The following GPR83 variants were observed in gnomAD, a reference collection of about 807,000 sequenced individuals.
The protein encoded by GPR83 is G protein-coupled receptor 83, also known as G-protein coupled receptor 72.
A neutral mutation model predicts 28.0 loss-of-function variants in GPR83; 23 were observed. The ratio of observed to expected loss-of-function variants is 0.82; its 90% CI spans 0.59 to 1.16. The LOEUF is 1.16. Among genes scored for constraint, GPR83 ranks in the 50% most tolerant of loss-of-function variants. The probability of loss-of-function intolerance (pLI) is 0.00; values close to 1 mark genes in which losing one functional copy is unlikely to be tolerated. For synonymous variants in GPR83, 234 were observed against 215.4 expected, an observed-to-expected ratio of 1.09 and a Z score of -0.76; for missense variants, 610 against 536.6, an observed-to-expected ratio of 1.14 and a Z score of -1.35.
intron 3 of GPR83, among the ~76,000 whole-genome samples, chr11:94,389,224 G>T (rs1353497723): frequency 6.6e-6 from 1 of 152,274 alleles, no homozygotes; most frequent in African/African-American, 2.4e-5. Flanking sequence ...AAAAACCCTA[G>T]AAGAAAACCT....
At chr11:94,387,067 C>G (rs1479804118) in intron 3 of GPR83, among the ~76,000 whole-genome samples, 1 of 152,184 alleles carries the variant, frequency 6.6e-6, no homozygotes, top group Admixed American at 6.6e-5. Context: ...CAACCTGCTC[C>G]TGAATGACTA....
intron 3 of GPR83, among the ~76,000 whole-genome samples, chr11:94,381,579 G>GTGTGTGCA (rs1554991066): frequency 1.9e-5 from 2 of 104,026 alleles, no homozygotes; most frequent in East Asian, 3.4e-4. Flanking sequence ...GTGTGTGTGT[G>GTGTGTGCA]CGCGCGTGCT....
chr11:94,389,490 C>T (rs1220327228), intron 3 of GPR83, among the ~76,000 whole-genome samples: 2 of 152,062 alleles, frequency 1.3e-5, no homozygotes, highest in Non-Finnish European at 2.9e-5. Context: ...AAAATCAACC[C>T]CATCAACAAG....
At position 94,380,696 on chromosome 11, in the gene GPR83, G is replaced by GC; in HGVS notation, c.724dup (p.Ala242GlyfsTer29). ...CAGGATGTAGAGCAGGATGAAGGTG[G>GC]CCAAGTCCAGGTACTTCCAGAAGAG... On this transcript the variant is annotated frameshift_variant, in exon 4 of 4. Coordinates refer to ENST00000243673, the MANE Select transcript of GPR83 (RefSeq NM_016540.4). LOFTEE classifies it high-confidence loss of function. 6.2e-7 allele frequency: 1 copy of GC among 1,613,476 alleles called. No homozygotes were observed. Among genetic ancestry groups the GC allele is most frequent in the Non-Finnish European group, 8.5e-7 (1 of 1,179,974 alleles).
At chr11:94,390,045 T>A (rs926369753) in intron 3 of GPR83, among the ~76,000 whole-genome samples, 99 of 152,082 alleles carry the variant, frequency 6.5e-4, no homozygotes, top group Non-Finnish European at 1.1e-3. Context: ...CTTGAAACCA[T>A]CATTCTCAGC....
intron 3 of GPR83, 33 bp from the exon 4 acceptor site, chr11:94,380,806 T>A: frequency 6.4e-7 from 1 of 1,560,554 alleles, no homozygotes; most frequent in Non-Finnish European, 8.7e-7. Flanking sequence ...GGGAGAGAGG[T>A]AACAGAAAGG....
intron 1 of GPR83, 93 bp from the exon 2 acceptor site, chr11:94,396,617 T>C: frequency 8.1e-7 from 1 of 1,231,420 alleles, no homozygotes; most frequent in Admixed American, 1.9e-5. Context: ...CTTAGGGGGA[T>C]TCCTCCAGCT....
At chr11:94,394,123 C>A (rs1311198198) in intron 2 of GPR83, among the ~76,000 whole-genome samples, 1 of 152,170 alleles carries the variant, frequency 6.6e-6, no homozygotes. Flanking sequence ...TCGCATGGCA[C>A]CACGGCAAGG....
Position 94,388,679 on chromosome 11 carries a change from C to A in GPR83, c.647+4806G>T, listed in dbSNP as rs572229120. 7.8e-4 allele frequency among the ~76,000 whole-genome samples: 119 copies of A among 152,248 alleles called. 2 individuals are homozygous for A. Among genetic ancestry groups the A allele is most frequent in the African/African-American group, 2.8e-3 (117 of 41,544 alleles). On this transcript the variant is annotated intron_variant, in intron 3 of 3. Transcript: ENST00000243673. ...CTGCTCAAGGAAATAAAAGAGGATA[C>A]AAACAAATGGAAGAATATTCCATGC...
intron 3 of GPR83, among the ~76,000 whole-genome samples, chr11:94,391,287 C>G (rs779854818): frequency 1.3e-5 from 2 of 152,122 alleles, no homozygotes; most frequent in Non-Finnish European, 2.9e-5. Context: ...AAAACTGAAA[C>G]TGGACCCCCT....
intron 1 of GPR83, among the ~76,000 whole-genome samples, chr11:94,399,322 A>C (rs1399345245): frequency 1.3e-5 from 2 of 152,232 alleles, no homozygotes; most frequent in African/African-American, 4.8e-5. Context: ...CGTTAGACGT[A>C]GGCTGAAAGG....
chr11:94,380,250 C>T lies in GPR83; in HGVS notation c.1171G>A (p.Gly391Ser), dbSNP rs746352892. Residue 391 changes from glycine (G) to serine (S), a missense_variant, in exon 4 of 4, where the codon GGC becomes AGC. Gly to Ser is a moderately conservative substitution (Grantham distance 56, BLOSUM62 0). Coordinates refer to ENST00000243673, the MANE Select transcript of GPR83 (RefSeq NM_016540.4). ...TTATTGGCAAGGGGAGCCCTCTGGC[C>T]ATCATTCTTCTCTGTCCAGGCCACC... ...FRVAWTEKND[G>S]QRAPLANNLL... 2.4e-5 allele frequency: 37 copies of T among 1,535,868 alleles called. No homozygotes were observed. Among genetic ancestry groups the T allele is most frequent in the Non-Finnish European group, 3.2e-5 (37 of 1,143,352 alleles).
chr11:94,382,109 T>C (rs925103292), intron 3 of GPR83, among the ~76,000 whole-genome samples: 1 of 152,096 alleles, frequency 6.6e-6, no homozygotes, highest in East Asian at 1.9e-4. Flanking sequence ...TCCCAGCACT[T>C]TGTGAGGCCG....
intron 3 of GPR83, among the ~76,000 whole-genome samples, chr11:94,390,688 C>T (rs1028555155): frequency 1.3e-5 from 2 of 152,114 alleles, no homozygotes; most frequent in African/African-American, 4.8e-5. Context: ...AACAGACAAA[C>T]AGAGAGCCAA....
Position 94,380,254 on chromosome 11 carries a change from ATTC to A in GPR83, c.1164_1166del (p.Lys388del), listed in dbSNP as rs1393500631. Reference sequence around the variant, plus strand: ...TGGCAAGGGGAGCCCTCTGGCCATCATTCTTCTCTGTCCAGGCCACCCTGAAGG... The same window carrying A: ...TGGCAAGGGGAGCCCTCTGGCCATCATTCTCTGTCCAGGCCACCCTGAAGG... On this transcript the variant is annotated inframe_deletion, in exon 4 of 4. Coordinates refer to ENST00000243673, the MANE Select transcript of GPR83 (RefSeq NM_016540.4). 6.5e-7 allele frequency: 1 copy of A among 1,539,946 alleles called. No individual in the cohort carries two copies. Among genetic ancestry groups the A allele is most frequent in the Non-Finnish European group, 8.7e-7 (1 of 1,145,240 alleles).
intron 1 of GPR83, among the ~76,000 whole-genome samples, chr11:94,397,587 C>T (rs913223755): frequency 6.6e-6 from 1 of 152,174 alleles, no homozygotes; most frequent in African/African-American, 2.4e-5. Context: ...CCCTCTGAGC[C>T]CCACTTTCCT....
chr11:94,387,331 G>C (rs1944769710), intron 3 of GPR83, among the ~76,000 whole-genome samples: 1 of 152,148 alleles, frequency 6.6e-6, no homozygotes, highest in Admixed American at 6.6e-5. Flanking sequence ...TAACATCAGA[G>C]CAGAACTGAA....
At chr11:94,383,845 C>T (rs984880066) in intron 3 of GPR83, among the ~76,000 whole-genome samples, 11 of 152,110 alleles carry the variant, frequency 7.2e-5, no homozygotes, top group Non-Finnish European at 1.5e-4. Context: ...TAATTAATAG[C>T]CTACCAACCA....
At position 94,393,635 on chromosome 11, in the gene GPR83, C is replaced by T. The variant is rs200379878; in HGVS notation, c.514-17G>A. On this transcript the variant is annotated splice_polypyrimidine_tract_variant and intron_variant, in intron 2 of 3. Transcript: ENST00000243673. ...CATGATGACCTGGAAAACAAGCAAA[C>T]CACATCACTAACTGAAGACGTTTTG... 90 of 1,613,204 alleles carry T rather than the reference C, an allele frequency of 5.6e-5. No individual in the cohort carries two copies. The highest frequency in any genetic ancestry group is 1.5e-4 in the Admixed American group (9 of 59,918).
Sources: allele counts gnomAD v4.1 joint callset (sites outside exome capture counted in the v4.1 genomes callset), GRCh38; gene constraint gnomAD v4.1.1; transcripts MANE v1.5; gene names NCBI Gene and HGNC (gene_info 2026-07-23, HGNC 2026-07-21).